Variants in FGL1 observed in about 807,000 individuals in gnomAD.
FGL1 encodes fibrinogen-like protein 1.
FGL1 carries 59 observed loss-of-function variants against 43.7 expected under a neutral mutation model. The observed-to-expected ratio is 1.35, with a 90% CI of 1.10 to 1.68. The LOEUF is 1.68. Among genes scored for constraint, FGL1 ranks in the 40% most tolerant of loss-of-function variants. FGL1 has a pLI of 0.00. For missense variants in FGL1, 596 were observed against 373.0 expected, an observed-to-expected ratio of 1.60 and a Z score of -4.92; for synonymous variants, 192 against 126.5, an observed-to-expected ratio of 1.52 and a Z score of -3.48.
chr8:17,889,220 C>T (rs1190266754), intron 1 of FGL1, among the ~76,000 whole-genome samples: 1 of 152,176 alleles, frequency 6.6e-6, no homozygotes, highest in African/African-American at 2.4e-5. Context: ...TCATCTGAAA[C>T]CATATTGTGT....
rs183836223 is a variant in FGL1 at position 17,872,137 on chromosome 8, C to A, written c.502+1882G>T. The stretch of plus-strand genomic sequence containing the variant: ...GAGCACTGATCATAAGAAGGACATA[C>A]AAAGAAAGTATAAGGTTTCTAGGAT... On this transcript the variant is annotated intron_variant, in intron 5 of 7. Coordinates refer to ENST00000427924, the MANE Select transcript of FGL1 (RefSeq NM_004467.4). Among the ~76,000 whole-genome samples, 4 of 152,076 alleles carry A rather than the reference C, an allele frequency of 2.6e-5. No individual in the cohort carries two copies. The East Asian group carries it at 7.7e-4, about 29-fold the overall frequency.
Position 17,885,142 on chromosome 8 carries a change from G to C in FGL1, c.63+350C>G, listed in dbSNP as rs181253788. Among the ~76,000 whole-genome samples the C allele has an allele frequency of 6.2e-3, 945 of 151,884 alleles. 30 individuals are homozygous for C. The highest frequency in any genetic ancestry group is 0.04 in the Admixed American group (616 of 15,228). Reference sequence around the variant, plus strand: ...TGCAATCTCCGCCTCCTGGGTTCAAGGGATTCTCCTGCCTCAGCCTCACGA... The same window carrying C: ...TGCAATCTCCGCCTCCTGGGTTCAACGGATTCTCCTGCCTCAGCCTCACGA... On this transcript the variant is annotated intron_variant, in intron 2 of 7. Transcript: ENST00000427924.
intron 5 of FGL1, among the ~76,000 whole-genome samples, chr8:17,872,185 T>A (rs2053373746): frequency 6.6e-6 from 1 of 152,120 alleles, no homozygotes; most frequent in Non-Finnish European, 1.5e-5. Context: ...CTAATGTTTA[T>A]CATTCTAGTG....
At position 17,885,428 on chromosome 8, in the gene FGL1, T is replaced by C. The variant is rs1202827420; in HGVS notation, c.63+64A>G. 5.7e-6 allele frequency: 8 copies of C among 1,407,372 alleles called. No individual in the cohort carries two copies. The East Asian group carries it at 1.1e-4, about 20-fold the overall frequency. 87.2% of individuals were successfully genotyped at this position (1,407,372 alleles called of 1,614,324 possible). A position where few individuals can be genotyped will look rare whatever the true frequency, so the allele number is the denominator to read the frequency against. On this transcript the variant is annotated intron_variant, in intron 2 of 7. Transcript: ENST00000427924. ...AAGTCACTATAGGTTTAATGCAAAA[T>C]GAAAGAAAATTCAGATAAAAGCAGG...
intron 1 of FGL1, chr8:17,885,793 G>A (rs2053619349): frequency 6.1e-6 from 3 of 490,448 alleles, no homozygotes; most frequent in Admixed American, 3.5e-5. Flanking sequence ...AACAGAGGAA[G>A]GACTCTGGTT....
intron 3 of FGL1, among the ~76,000 whole-genome samples, chr8:17,881,190 G>T (rs1399276079): frequency 1.3e-5 from 2 of 148,190 alleles, no homozygotes; most frequent in Non-Finnish European, 2.9e-5. Flanking sequence ...AGGCTGGAGT[G>T]CAGTGGCACG....
At chr8:17,893,837 C>T (rs909249188) in intron 1 of FGL1, among the ~76,000 whole-genome samples, 1 of 147,218 alleles carries the variant, frequency 6.8e-6, no homozygotes, top group Non-Finnish European at 1.5e-5. Flanking sequence ...ATTATTTCTT[C>T]TGCACATCTG....
chr8:17,891,799 A>G (rs907703865), intron 1 of FGL1: 1 of 984,156 alleles, frequency 1.0e-6, no homozygotes. Context: ...GATTCCCTCC[A>G]TCTTCACCCT....
At chr8:17,875,795 C>T (rs1179688743) in intron 3 of FGL1, among the ~76,000 whole-genome samples, 1 of 151,962 alleles carries the variant, frequency 6.6e-6, no homozygotes, top group African/African-American at 2.4e-5. Flanking sequence ...TTAGTACAGA[C>T]TGGATTTTGC....
chr8:17,888,189 T>C (rs1585150343), intron 1 of FGL1, among the ~76,000 whole-genome samples: 1 of 152,194 alleles, frequency 6.6e-6, no homozygotes, highest in East Asian at 1.9e-4. Flanking sequence ...CATTTACCAA[T>C]GTGAAAAAGA....
chr8:17,873,714 A>T (rs2053399825), intron 5 of FGL1, among the ~76,000 whole-genome samples: 1 of 149,852 alleles, frequency 6.7e-6, no homozygotes, highest in African/African-American at 2.4e-5. Context: ...TATATTCTAT[A>T]TATCTATATA....
chr8:17,867,664 A>T (rs1025966494), intron 7 of FGL1, among the ~76,000 whole-genome samples: 1 of 152,170 alleles, frequency 6.6e-6, no homozygotes, highest in South Asian at 2.1e-4. Context: ...GACTTCTACT[A>T]AGTGTCTTGG....
chr8:17,883,628 A>G (rs1391896413), intron 2 of FGL1, among the ~76,000 whole-genome samples: 1 of 144,450 alleles, frequency 6.9e-6, no homozygotes, highest in Non-Finnish European at 1.5e-5. Flanking sequence ...AGTATATATT[A>G]TATCAAATAC....
chr8:17,871,674 G>C (rs4568648), intron 5 of FGL1, among the ~76,000 whole-genome samples: 4 of 152,140 alleles, frequency 2.6e-5, no homozygotes, highest in African/African-American at 7.2e-5. Context: ...GCTATTCTCA[G>C]AGGTAATTCA....
intron 5 of FGL1, among the ~76,000 whole-genome samples, chr8:17,872,217 T>C (rs1265738356): frequency 6.6e-6 from 1 of 152,022 alleles, no homozygotes; most frequent in African/African-American, 2.4e-5. Context: ...TTTATAACCA[T>C]AAGCCTACTA....
chr8:17,877,946 A>G (rs531118703), intron 3 of FGL1, among the ~76,000 whole-genome samples: 3 of 152,130 alleles, frequency 2.0e-5, no homozygotes, highest in Admixed American at 6.6e-5. Context: ...GATGTTAAAT[A>G]TATTAACTCA....
intron 1 of FGL1, among the ~76,000 whole-genome samples, chr8:17,887,217 C>T (rs926747837): frequency 2.6e-5 from 4 of 152,124 alleles, no homozygotes; most frequent in Admixed American, 1.3e-4. Context: ...GCTGGAGGAA[C>T]AGCAGAGCTT....
intron 1 of FGL1, among the ~76,000 whole-genome samples, chr8:17,892,035 T>C (rs1004643526): frequency 6.6e-6 from 1 of 152,204 alleles, no homozygotes; most frequent in Non-Finnish European, 1.5e-5. Flanking sequence ...AGCTATCTCA[T>C]AATAAGTTTT....
intron 3 of FGL1, chr8:17,874,741 C>G (rs2653403): frequency 0.74 from 268,669 of 360,782 alleles, 101,160 homozygotes; most frequent in Non-Finnish European, 0.79. Context: ...ATATAATCAT[C>G]GAGGAAAAAA....
Sources: gnomAD v4.1 joint callset for allele counts (sites outside exome capture counted in the v4.1 genomes callset) on GRCh38, gnomAD v4.1.1 for gene constraint, MANE v1.5 for transcripts, NCBI Gene and HGNC (gene_info 2026-07-23, HGNC 2026-07-21) for gene names.